Variants in MACF1 observed in about 807,000 individuals in gnomAD.
MACF1 encodes microtubule-actin cross-linking factor 1.
A neutral mutation model predicts 854.8 loss-of-function variants in MACF1; 193 were observed. The observed-to-expected ratio is 0.23, with a 90% CI of 0.20 to 0.25. The LOEUF (loss-of-function observed/expected upper bound fraction) is 0.25. MACF1 is among the 10% of genes least tolerant of loss of function. The pLI, the probability that MACF1 is intolerant of heterozygous loss-of-function variation, is 1.00. For synonymous variants in MACF1, 3,185 were observed against 3,226.7 expected, an observed-to-expected ratio of 0.99 and a Z score of 0.44; for missense variants, 7,722 against 8,929.1, an observed-to-expected ratio of 0.86 and a Z score of 5.45.
intron 2 of MACF1, among the ~76,000 whole-genome samples, chr1:39,115,685 T>C (rs188557852): frequency 3.9e-5 from 6 of 151,944 alleles, no homozygotes; most frequent in African/African-American, 7.2e-5. Context: ...ACCACAGCCA[T>C]AGGAGGGGAG....
At chr1:39,417,959 T>G (rs965940243) in intron 58 of MACF1, among the ~76,000 whole-genome samples, 1 of 151,988 alleles carries the variant, frequency 6.6e-6, no homozygotes, top group African/African-American at 2.4e-5. Flanking sequence ...CTTGGCCTTG[T>G]GGAACTTATA....
intron 62 of MACF1, among the ~76,000 whole-genome samples, 166 bp from the exon 63 acceptor site, chr1:39,427,795 C>T (rs1643772649): frequency 1.3e-5 from 2 of 152,152 alleles, no homozygotes; most frequent in African/African-American, 2.4e-5. Flanking sequence ...TGATAGGCTA[C>T]CACCGGAATA....
In MACF1 at chr1:39,378,524, G is replaced by A; in HGVS notation, c.13276+1G>A. 6.2e-7 allele frequency: 1 copy of A among 1,613,496 alleles called. No homozygotes were observed. The highest frequency in any genetic ancestry group is 8.5e-7 in the Non-Finnish European group (1 of 1,179,442). On this transcript the variant is annotated splice_donor_variant, in intron 53 of 100. Coordinates refer to ENST00000564288, the MANE Select transcript of MACF1 (RefSeq NM_001394062.1). LOFTEE classifies it high-confidence loss of function. ...GTAAACGGATACCACACCTGCAAAG[G>A]TGAGAATGCCATTTCAACAGTGCTT...
At chr1:39,135,883 C>CTAG (rs1482124844) in intron 2 of MACF1, among the ~76,000 whole-genome samples, 1 of 152,170 alleles carries the variant, frequency 6.6e-6, no homozygotes, top group African/African-American at 2.4e-5. Context: ...GGTGACATAT[C>CTAG]TAGACTCTTG....
intron 36 of MACF1, among the ~76,000 whole-genome samples, chr1:39,330,710 C>T (rs1352811993): frequency 6.6e-6 from 1 of 152,226 alleles, no homozygotes; most frequent in Non-Finnish European, 1.5e-5. Context: ...TTAGTCTTAA[C>T]ACCGGGTGGC....
chr1:39,363,094 G>A (rs973353223), intron 49 of MACF1, among the ~76,000 whole-genome samples: 1 of 152,044 alleles, frequency 6.6e-6, no homozygotes, highest in African/African-American at 2.4e-5. Flanking sequence ...CTTAGCCTAT[G>A]ACCCACTATG....
intron 27 of MACF1, 40 bp from the exon 28 acceptor site, chr1:39,316,351 A>G (rs1387092860): frequency 6.4e-7 from 1 of 1,558,500 alleles, no homozygotes; most frequent in Non-Finnish European, 8.7e-7. Flanking sequence ...GGCTCCTAAA[A>G]TTCATGTGTT....
intron 2 of MACF1, among the ~76,000 whole-genome samples, chr1:39,188,009 T>A: frequency 7.2e-6 from 1 of 139,026 alleles, no homozygotes; most frequent in Non-Finnish European, 1.6e-5. Flanking sequence ...TTCCCTTCCC[T>A]TTCTTTTCTT....
At chr1:39,442,676 A>T in intron 77 of MACF1, 38 bp from the exon 78 acceptor site, 1 of 1,611,436 alleles carries the variant, frequency 6.2e-7, no homozygotes, top group Non-Finnish European at 8.5e-7. Context: ...GTTAGATGAT[A>T]TCCATAGAGA....
intron 91 of MACF1, among the ~76,000 whole-genome samples, chr1:39,459,995 G>A (rs140631021): frequency 1.3e-5 from 2 of 152,244 alleles, no homozygotes; most frequent in East Asian, 1.9e-4. Flanking sequence ...TATCATTAAC[G>A]TAGACTTAAG....
chr1:39,388,129 C>T lies in MACF1; in HGVS notation c.15287C>T (p.Ala5096Val), dbSNP rs754965541. The change falls in exon 58 of 101, where the codon GCC (alanine) becomes GTC (valine). Residue 5096 changes from alanine to valine, a missense_variant. By Grantham distance (64) the Ala-to-Val change is moderately conservative. Coordinates refer to ENST00000564288, the MANE Select transcript of MACF1 (RefSeq NM_001394062.1). ...CAACTTCTCCACCAAGCTGAGGTCGCCCAGCAAGAGTTCCTCGAAGTTAAG... is the reference window on the plus strand; with the variant it reads ...CAACTTCTCCACCAAGCTGAGGTCGTCCAGCAAGAGTTCCTCGAAGTTAAG... ...ASQLLHQAEVAQQEFLEVKQR... is the reference protein window; with the variant it reads ...ASQLLHQAEVVQQEFLEVKQR... 6.8e-6 allele frequency: 11 copies of T among 1,613,972 alleles called. No homozygotes were observed. The highest frequency in any genetic ancestry group is 4.0e-5 in the African/African-American group (3 of 74,874).
intron 15 of MACF1, 91 bp from the exon 16 acceptor site, chr1:39,291,819 C>A: frequency 7.4e-7 from 1 of 1,353,788 alleles, no homozygotes; most frequent in Non-Finnish European, 9.9e-7. Flanking sequence ...CAGTCCTCTA[C>A]CCCTTGGTTC....
At chr1:39,315,789 T>A in intron 27 of MACF1, 98 bp downstream of exon 27, 1 of 1,229,160 alleles carries the variant, frequency 8.1e-7, no homozygotes, top group Non-Finnish European at 1.1e-6. Context: ...AGAGAGATTA[T>A]AGATCCTGAA....
intron 61 of MACF1, among the ~76,000 whole-genome samples, chr1:39,427,206 AGGGGGATAATTATTCTTTTATAAT>A (rs1443044501): frequency 3.3e-5 from 5 of 152,132 alleles, no homozygotes; most frequent in Non-Finnish European, 7.4e-5. Flanking sequence ...CTTTTATAAT[AGGGGGATAATTATTCTTTTATAAT>A]GGGGGATAAT....
At chr1:39,318,688 A>C in intron 30 of MACF1, 73 bp downstream of exon 30, 1 of 1,404,924 alleles carries the variant, frequency 7.1e-7, no homozygotes, top group Non-Finnish European at 9.4e-7. Context: ...AAAATGATGT[A>C]CTGGCAATTA....
Position 39,460,935 on chromosome 1 carries a change from C to A in MACF1, c.21523+141C>A. The stretch of plus-strand genomic sequence containing the variant: ...CCTGTAATTCCAGCACTTTGGGAGG[C>A]AGGTGGCAAAGGCATGGTGGCACAC... On this transcript the variant is annotated intron_variant, in intron 92 of 100. Transcript: ENST00000564288. The surrounding 1 kb of genome is among the most constrained non-coding windows in gnomAD (Gnocchi z 4.1). 1.0e-6 allele frequency: 1 copy of A among 953,742 alleles called. No individual in the cohort carries two copies. The highest frequency in any genetic ancestry group is 1.6e-6 in the Non-Finnish European group (1 of 627,490). The allele number at this position is 953,742 out of a possible 1,614,324, so 59.1% of individuals were successfully genotyped here. A position where few individuals can be genotyped will look rare whatever the true frequency, so the allele number is the denominator to read the frequency against.
At chr1:39,465,298 A>G (rs570605255) in intron 95 of MACF1, among the ~76,000 whole-genome samples, 186 bp downstream of exon 95, 1 of 152,160 alleles carries the variant, frequency 6.6e-6, no homozygotes, top group African/African-American at 2.4e-5. Context: ...GCAAAAGAAT[A>G]TAAGTATAAT....
In MACF1 at chr1:39,460,287, G is replaced by A. The variant is rs114579935; in HGVS notation, c.21361-345G>A. Among the ~76,000 whole-genome samples the A allele has an allele frequency of 6.6e-3, 1,001 of 152,232 alleles. 14 individuals are homozygous for A. The highest frequency in any genetic ancestry group is 0.022 in the African/African-American group (913 of 41,530). On this transcript the variant is annotated intron_variant, in intron 91 of 100. Transcript: ENST00000564288. This position sits in a 1 kb window ranked among gnomAD's most constrained non-coding sequence, Gnocchi z 4.1. ...AGGAGTGCTAAGGACCTCCCTTCTG[G>A]GTTAGAATCCATTTCCTTGCATCTA... is the stretch of plus-strand genomic sequence containing the variant.
At position 39,388,648 on chromosome 1, in the gene MACF1, C is replaced by G; in HGVS notation, c.15806C>G (p.Ala5269Gly). 6.4e-7 allele frequency: 1 copy of G among 1,567,370 alleles called. No individual in the cohort carries two copies. The highest frequency in any genetic ancestry group is 1.2e-5 in the South Asian group (1 of 84,846). Residue 5269 changes from alanine (A) to glycine (G), a missense_variant, in exon 58 of 101, where the codon GCA (alanine) becomes GGA (glycine). Around this residue, in one of 15 missense-constraint regions of MACF1, gnomAD observed 2,807 missense variants for 3,235.8 expected, o/e 0.87. Transcript: ENST00000564288. The stretch of plus-strand genomic sequence containing the variant: ...GTGGAAATCATCAACCAACAATTAG[C>G]AGATTTTAAAGTAAGTCTGAACCTT... ...TEVEIINQQL[A>G]DFKMFQKEQV...
Sources: allele counts gnomAD v4.1 joint callset (sites outside exome capture counted in the v4.1 genomes callset), GRCh38; gene constraint gnomAD v4.1.1; regional missense constraint gnomAD v4.1.1; non-coding constraint Gnocchi (gnomAD v3.1); transcripts MANE v1.5; gene names NCBI Gene and HGNC (gene_info 2026-07-23, HGNC 2026-07-21).